Variants in PPM1K observed in about 807,000 individuals in gnomAD.
The protein encoded by PPM1K is protein phosphatase, Mg2+/Mn2+ dependent 1K, also known as protein phosphatase Mn(2+)-dependent 1K.
In PPM1K, 19 loss-of-function variants were observed where a neutral mutation model predicts 32.6. That is an observed-to-expected ratio of 0.58 (90% CI 0.41 to 0.86). The LOEUF (loss-of-function observed/expected upper bound fraction) is 0.86, where lower values mean the gene tolerates loss of function less well. Ranked by LOEUF, PPM1K falls within the 40% of genes least tolerant of loss-of-function variation. The probability of loss-of-function intolerance (pLI) is 0.00; values close to 1 mark genes in which losing one functional copy is unlikely to be tolerated. For missense variants in PPM1K, 362 were observed against 461.2 expected (o/e 0.78, Z 1.97); for synonymous variants, 159 against 165.3 (o/e 0.96, Z 0.29).
At chr4:88,263,149 T>C (rs952781104) in intron 6 of PPM1K, among the ~76,000 whole-genome samples, 2 of 151,978 alleles carry the variant, frequency 1.3e-5, no homozygotes, top group Non-Finnish European at 2.9e-5. Flanking sequence ...CCTAATGGAA[T>C]AAAAACCTTG....
At chr4:88,271,570 A>G (rs1731557544) in intron 3 of PPM1K, among the ~76,000 whole-genome samples, 1 of 152,222 alleles carries the variant, frequency 6.6e-6, no homozygotes, top group Admixed American at 6.5e-5. Flanking sequence ...GCATATACAC[A>G]TTCACTGAAA....
chr4:88,276,984 T>A, intron 3 of PPM1K, 159 bp downstream of exon 3: 2 of 681,024 alleles, frequency 2.9e-6, no homozygotes, highest in Non-Finnish European at 4.8e-6. Flanking sequence ...CCCAACAGCA[T>A]TTAATGTGAT....
chr4:88,268,382 G>A, intron 4 of PPM1K, 48 bp from the exon 5 acceptor site: 1 of 1,596,998 alleles, frequency 6.3e-7, no homozygotes, highest in Non-Finnish European at 8.6e-7. Flanking sequence ...AAACCCTTTG[G>A]GAGGCCAAGG....
chr4:88,281,245 G>C (rs1731993969), intron 1 of PPM1K, among the ~76,000 whole-genome samples: 1 of 152,210 alleles, frequency 6.6e-6, no homozygotes, highest in African/African-American at 2.4e-5. Context: ...TCAGCCTTGA[G>C]CTACTTTGCA....
At chr4:88,272,392 C>T (rs997648935) in intron 3 of PPM1K, among the ~76,000 whole-genome samples, 10 of 152,156 alleles carry the variant, frequency 6.6e-5, no homozygotes, top group Non-Finnish European at 1.2e-4. Context: ...CATCAATGTC[C>T]CCCACTCTGA....
rs58597835 is a variant in PPM1K at position 88,277,990 on chromosome 4, TA to T, written c.440+153del. ...CTGAAATTGTGATAACCATAAGTAA[TA>T]AATGGCACACTTAAACTACTGCTCA... On this transcript the variant is annotated intron_variant, in intron 2 of 6. Coordinates refer to ENST00000608933, the MANE Select transcript of PPM1K (RefSeq NM_152542.5). 570 of 656,906 alleles carry T rather than the reference TA, an allele frequency of 8.7e-4. 3 individuals are homozygous for T. In the African/African-American group the frequency reaches 9.6e-3, roughly 11 times the overall value. The allele number at this position is 656,906 out of a possible 1,614,324, so 40.7% of individuals were successfully genotyped here.
Position 88,269,030 on chromosome 4 carries a change from A to G in PPM1K, c.542-124T>C. The G allele has an allele frequency of 5.0e-6, 4 of 798,668 alleles. No homozygotes were observed. The South Asian group carries it at 7.5e-5, about 15-fold the overall frequency. The allele number at this position is 798,668 out of a possible 1,614,324, so 49.5% of individuals were successfully genotyped here. A position where few individuals can be genotyped will look rare whatever the true frequency, so the allele number is the denominator to read the frequency against. ...TGCTGGAATATATCATTCTAATTTAACTAGAGCTAAGCAAATAAAATGCAA... is the reference window on the plus strand; with the variant it reads ...TGCTGGAATATATCATTCTAATTTAGCTAGAGCTAAGCAAATAAAATGCAA... On this transcript the variant is annotated intron_variant, in intron 3 of 6. Transcript: ENST00000608933.
chr4:88,280,025 T>C (rs1364421286), intron 1 of PPM1K, among the ~76,000 whole-genome samples: 1 of 152,178 alleles, frequency 6.6e-6, no homozygotes, highest in Admixed American at 6.5e-5. Context: ...TAGCTATGTA[T>C]AGGGAAGGCC....
chr4:88,279,743 T>G (rs577862275), intron 1 of PPM1K: 3 of 152,212 alleles, frequency 2.0e-5, no homozygotes, highest in Non-Finnish European at 4.4e-5. Flanking sequence ...TTTGTCTCCA[T>G]AGGATTTTGT....
At chr4:88,262,871 C>A (rs561546904) in intron 6 of PPM1K, 145 bp from the exon 7 acceptor site, 157 of 797,572 alleles carry the variant, frequency 2.0e-4, no homozygotes, top group Non-Finnish European at 2.7e-4. Context: ...ACTTATTTCA[C>A]AATGGTTTGT....
intron 4 of PPM1K, 37 bp from the exon 5 acceptor site, chr4:88,268,371 A>G (rs1731418181): frequency 6.2e-7 from 1 of 1,613,448 alleles, no homozygotes; most frequent in Admixed American, 1.7e-5. Flanking sequence ...TGATATGTAG[A>G]AAACCCTTTG....
chr4:88,265,452 C>T (rs1379022386), intron 5 of PPM1K, among the ~76,000 whole-genome samples: 3 of 152,202 alleles, frequency 2.0e-5, no homozygotes. Flanking sequence ...GCTCTCTTGC[C>T]TGCCACCATA....
intron 1 of PPM1K, among the ~76,000 whole-genome samples, chr4:88,283,343 C>T (rs1445617761): frequency 6.6e-6 from 1 of 152,254 alleles, no homozygotes; most frequent in Non-Finnish European, 1.5e-5. Context: ...AACTCCTGGG[C>T]TCAAGCCCGC....
At chr4:88,273,243 C>T (rs1360152166) in intron 3 of PPM1K, among the ~76,000 whole-genome samples, 1 of 152,120 alleles carries the variant, frequency 6.6e-6, no homozygotes, top group Non-Finnish European at 1.5e-5. Flanking sequence ...TAAAGGAGTC[C>T]GTGGCAAGGC....
rs1260020984 is a variant in PPM1K, at chr4:88,284,498, C to T, written c.-152G>A. ...GGTCGGTAAATAAGAGTGCCTTCTC[C>T]GTCGTCTCGGATCTCCGAAGCAAGC... is the stretch of plus-strand genomic sequence containing the variant. On this transcript the variant is annotated 5_prime_UTR_variant, in exon 1 of 7. Coordinates refer to ENST00000608933, the MANE Select transcript of PPM1K (RefSeq NM_152542.5). 1 of 152,270 alleles carries T rather than the reference C, an allele frequency of 6.6e-6. No homozygotes were observed. Among genetic ancestry groups the T allele is most frequent in the Non-Finnish European group, 1.5e-5 (1 of 68,056 alleles). 9.4% of individuals were successfully genotyped at this position (152,270 alleles called of 1,614,324 possible).
chr4:88,273,008 C>T (rs563774264), intron 3 of PPM1K, among the ~76,000 whole-genome samples: 1 of 152,370 alleles, frequency 6.6e-6, no homozygotes, highest in South Asian at 2.1e-4. Flanking sequence ...CAGAAAAGAG[C>T]TCTCACTAAG....
At position 88,278,066 on chromosome 4, in the gene PPM1K, A is replaced by T. The variant is rs1731852589; in HGVS notation, c.440+78T>A. On this transcript the variant is annotated intron_variant, in intron 2 of 6. Coordinates refer to ENST00000608933, the MANE Select transcript of PPM1K (RefSeq NM_152542.5). The surrounding 1 kb of genome is among the most constrained non-coding windows in gnomAD (Gnocchi z 4.2). ...ACTCAAGTAACTATGTTTACGCTGG[A>T]AGCCTCAGCCAAAGGGTGAAAGTTT... The T allele has an allele frequency of 8.2e-7, 1 of 1,223,482 alleles. No homozygotes were observed. Among genetic ancestry groups the T allele is most frequent in the Admixed American group, 2.1e-5 (1 of 46,884 alleles). The allele number at this position is 1,223,482 out of a possible 1,614,324, so 75.8% of individuals were successfully genotyped here. A position where few individuals can be genotyped will look rare whatever the true frequency, so the allele number is the denominator to read the frequency against.
intron 4 of PPM1K, 80 bp downstream of exon 4, chr4:88,268,661 C>A: frequency 7.3e-7 from 1 of 1,369,744 alleles, no homozygotes. Flanking sequence ...TAAACTTAAC[C>A]ATGACATCAG....
chr4:88,276,435 A>C, intron 3 of PPM1K: 2 of 985,446 alleles, frequency 2.0e-6, no homozygotes, highest in Non-Finnish European at 2.4e-6. Flanking sequence ...GCTAACTAGA[A>C]AACGTTTGCT....
Sources: allele counts gnomAD v4.1 joint callset (sites outside exome capture counted in the v4.1 genomes callset), GRCh38; gene constraint gnomAD v4.1.1; non-coding constraint Gnocchi (gnomAD v3.1); transcripts MANE v1.5; gene names NCBI Gene and HGNC (gene_info 2026-07-23, HGNC 2026-07-21).